The following LRRC7 variants were observed in gnomAD, a reference collection of about 807,000 sequenced individuals.
The protein encoded by LRRC7 is leucine rich repeat containing 7, also known as leucine-rich repeat-containing protein 7.
Under a neutral mutation model 175.7 loss-of-function variants are expected in LRRC7, and 23 were observed. The observed-to-expected ratio is 0.13, with a 90% CI of 0.09 to 0.19. The LOEUF is 0.19. LRRC7 is among the 10% of genes least tolerant of loss of function. The pLI, the probability that LRRC7 is intolerant of heterozygous loss-of-function variation, is 1.00. For synonymous variants in LRRC7, 685 were observed against 680.9 expected (o/e 1.01, Z -0.09); for missense variants, 1,354 against 1,904.7 (o/e 0.71, Z 5.38).
chr1:69,862,702 CT>C (rs1324845159), intron 7 of LRRC7, among the ~76,000 whole-genome samples: 5 of 152,050 alleles, frequency 3.3e-5, no homozygotes, highest in African/African-American at 9.7e-5. Context: ...TTGTTCATAT[CT>C]TTTTTTATTA....
At chr1:69,834,451 A>G (rs894337256) in intron 5 of LRRC7, among the ~76,000 whole-genome samples, 3 of 152,290 alleles carry the variant, frequency 2.0e-5, no homozygotes, top group South Asian at 2.1e-4. Flanking sequence ...CAAACAAGCC[A>G]AACAACTTGA....
At chr1:69,657,513 ATGTAT>A (rs1204851817) in intron 1 of LRRC7, among the ~76,000 whole-genome samples, 1 of 151,892 alleles carries the variant, frequency 6.6e-6, no homozygotes, top group African/African-American at 2.4e-5. Flanking sequence ...TCCAGGTGCT[ATGTAT>A]CTGAACTGCC....
At chr1:69,589,580 A>G (rs1262784998) in intron 1 of LRRC7, among the ~76,000 whole-genome samples, 1 of 152,146 alleles carries the variant, frequency 6.6e-6, no homozygotes, top group East Asian at 1.9e-4. Flanking sequence ...GTAGACTTCC[A>G]GGGTTGTATT....
chr1:69,679,117 A>G (rs1660163104), intron 2 of LRRC7, among the ~76,000 whole-genome samples: 3 of 152,088 alleles, frequency 2.0e-5, no homozygotes, highest in Admixed American at 1.3e-4. Flanking sequence ...TATCTGTAGC[A>G]TGTAGCAGAT....
At chr1:70,079,374 TAACAACAATGGTA>T (rs1663046825) in intron 24 of LRRC7, among the ~76,000 whole-genome samples, 1 of 152,022 alleles carries the variant, frequency 6.6e-6, no homozygotes, top group South Asian at 2.1e-4. Context: ...TTAAATTATC[TAACAACAATGGTA>T]AATTTGGTCA....
intron 7 of LRRC7, among the ~76,000 whole-genome samples, chr1:69,892,095 G>A (rs1645853071): frequency 6.6e-6 from 1 of 152,152 alleles, no homozygotes; most frequent in Non-Finnish European, 1.5e-5. Flanking sequence ...ACTTGTTTAT[G>A]TCAATTATAA....
chr1:69,578,973 T>TG (rs1646083562), intron 1 of LRRC7, among the ~76,000 whole-genome samples: 1 of 151,720 alleles, frequency 6.6e-6, no homozygotes, highest in African/African-American at 2.4e-5. Flanking sequence ...AAGAAATGCA[T>TG]GGAAAAAAAA....
At chr1:69,600,361 G>T (rs2100990376) in intron 1 of LRRC7, among the ~76,000 whole-genome samples, 1 of 152,116 alleles carries the variant, frequency 6.6e-6, no homozygotes, top group South Asian at 2.1e-4. Context: ...GTTGCCATAG[G>T]CTCCTCTTGG....
At position 69,904,589 on chromosome 1, in the gene LRRC7, A is replaced by G. The variant is rs1370446816; in HGVS notation, c.648-26918A>G. ...AGTATTTCGAGTAACATAAAAAATT[A>G]TGCAAATATATTGCTATATATTTTC... On this transcript the variant is annotated intron_variant, in intron 7 of 26. Transcript: ENST00000651989. Among the ~76,000 whole-genome samples, 4 of 152,320 alleles carry G rather than the reference A, an allele frequency of 2.6e-5. No homozygotes were observed. In the South Asian group the frequency reaches 6.2e-4, roughly 24 times the overall value.
At chr1:70,047,067 T>C (rs1201569020) in intron 22 of LRRC7, among the ~76,000 whole-genome samples, 4 of 152,152 alleles carry the variant, frequency 2.6e-5, no homozygotes, top group Non-Finnish European at 4.4e-5. Context: ...CCATCTCAGG[T>C]CCTTAAGACT....
In LRRC7 at chr1:70,142,790, A is replaced by C. The variant is rs1667115885; in HGVS notation, c.*20903A>C. The C allele has an allele frequency of 6.6e-6, 1 of 152,118 alleles. No individual in the cohort carries two copies. The highest frequency in any genetic ancestry group is 2.4e-5 in the African/African-American group (1 of 41,454). 9.4% of individuals were successfully genotyped at this position (152,118 alleles called of 1,614,324 possible). The stretch of plus-strand genomic sequence containing the variant: ...AACATGAACTAGGGTCTTTCTATTC[A>C]AAAAAGAAATATTAAACTAACATAA... On this transcript the variant is annotated 3_prime_UTR_variant, in exon 27 of 27. Transcript: ENST00000651989.
intron 1 of LRRC7, among the ~76,000 whole-genome samples, chr1:69,581,512 G>A (rs1173649375): frequency 6.6e-6 from 1 of 152,142 alleles, no homozygotes; most frequent in African/African-American, 2.4e-5. Flanking sequence ...GGTACAATTT[G>A]TTGACTGGAG....
At chr1:69,582,880 C>A (rs1262507688) in intron 1 of LRRC7, among the ~76,000 whole-genome samples, 1 of 151,944 alleles carries the variant, frequency 6.6e-6, no homozygotes, top group Non-Finnish European at 1.5e-5. Context: ...TTTTTTTCTG[C>A]TTTGATTAGC....
intron 24 of LRRC7, among the ~76,000 whole-genome samples, chr1:70,088,905 A>C (rs1428794873): frequency 6.6e-6 from 1 of 152,134 alleles, no homozygotes; most frequent in Non-Finnish European, 1.5e-5. Flanking sequence ...ATTCCCCCAT[A>C]CTACTATAAA....
rs764279942 is a variant in LRRC7, at chr1:70,023,273, G to T, written c.1693G>T (p.Ala565Ser). The T allele has an allele frequency of 1.9e-6, 3 of 1,613,368 alleles. No homozygotes were observed. Among genetic ancestry groups the T allele is most frequent in the Admixed American group, 1.7e-5 (1 of 59,934 alleles). The change falls in exon 17 of 27, where the codon GCA becomes TCA. Residue 565 changes from alanine to serine, a missense_variant. Ala to Ser is a moderately conservative substitution (Grantham distance 99). Around this residue, in one of 4 missense-constraint regions of LRRC7, gnomAD observed 1,032 missense variants for 1,227.2 expected, o/e 0.84. Transcript: ENST00000651989. ...CGTCCCCCAGAATGACCCACAGCTG[G>T]CATGGGGTTGTATAAGTGGCCTCCA... ...MPVPQNDPQLAWGCISGLQQE... is the reference protein window; with the variant it reads ...MPVPQNDPQLSWGCISGLQQE...
At chr1:70,091,522 TA>T (rs1319414560) in intron 25 of LRRC7, among the ~76,000 whole-genome samples, 1 of 152,066 alleles carries the variant, frequency 6.6e-6, no homozygotes, top group African/African-American at 2.4e-5. Context: ...AGGTACAGGG[TA>T]AAAAAATATT....
chr1:70,122,023 C>G lies in LRRC7; in HGVS notation c.*136C>G, dbSNP rs1313926849. On this transcript the variant is annotated 3_prime_UTR_variant, in exon 27 of 27. Coordinates refer to ENST00000651989, the MANE Select transcript of LRRC7 (RefSeq NM_001370785.2). ...CCAAATGTATAATACTATATGTTAG[C>G]ACTGACCATCCTTAAAAAATGTTAA... is the stretch of plus-strand genomic sequence containing the variant. 1.7e-6 allele frequency: 1 copy of G among 575,480 alleles called. No individual in the cohort carries two copies. Among genetic ancestry groups the G allele is most frequent in the Admixed American group, 3.4e-5 (1 of 29,076 alleles). 35.6% of individuals were successfully genotyped at this position (575,480 alleles called of 1,614,324 possible). A position where few individuals can be genotyped will look rare whatever the true frequency, so the allele number is the denominator to read the frequency against.
chr1:69,828,312 A>G (rs573260650), intron 5 of LRRC7, among the ~76,000 whole-genome samples: 8 of 152,256 alleles, frequency 5.3e-5, no homozygotes, highest in African/African-American at 1.9e-4. Flanking sequence ...TCTGAGTCGT[A>G]TGGTATGTAT....
intron 7 of LRRC7, among the ~76,000 whole-genome samples, chr1:69,928,541 C>T (rs1251133676): frequency 6.6e-6 from 1 of 152,242 alleles, no homozygotes; most frequent in Admixed American, 6.5e-5. Flanking sequence ...GTTGCTGCCG[C>T]CTTGCAGTTT....
Sources: gnomAD v4.1 joint callset for allele counts (sites outside exome capture counted in the v4.1 genomes callset) on GRCh38, gnomAD v4.1.1 for gene constraint, gnomAD v4.1.1 regional missense constraint, MANE v1.5 for transcripts, NCBI Gene and HGNC (gene_info 2026-07-23, HGNC 2026-07-21) for gene names.